TRDN: variants seen among roughly 807,000 people sequenced by gnomAD.
TRDN encodes triadin.
In TRDN, 161 loss-of-function variants were observed where a neutral mutation model predicts 149.7. That is an observed-to-expected ratio of 1.08 (90% CI 0.95 to 1.23). The LOEUF is 1.23. Ranked by LOEUF, TRDN falls within the 50% of genes most tolerant of loss-of-function variation. The pLI, the probability that TRDN is intolerant of heterozygous loss-of-function variation, is 0.00. For synonymous variants in TRDN, 294 were observed against 250.5 expected, an observed-to-expected ratio of 1.17 and a Z score of -1.64; for missense variants, 896 against 823.5, an observed-to-expected ratio of 1.09 and a Z score of -1.08.
At chr6:123,456,801 T>G (rs771050335) in intron 10 of TRDN, 1 of 456,036 alleles carries the variant, frequency 2.2e-6, no homozygotes, top group Non-Finnish European at 4.4e-6. Flanking sequence ...ACTCCATCTA[T>G]GTAAAATACA....
At chr6:123,556,776 G>A (rs1178279099) in intron 2 of TRDN, among the ~76,000 whole-genome samples, 1 of 152,008 alleles carries the variant, frequency 6.6e-6, no homozygotes. Context: ...CCTCTAGAGA[G>A]TTCTATGGTC....
chr6:123,352,636 C>T (rs764981861), intron 20 of TRDN, 50 bp from the exon 21 acceptor site: 1 of 1,561,214 alleles, frequency 6.4e-7, no homozygotes, highest in African/African-American at 1.4e-5. Flanking sequence ...AGAAATACTG[C>T]TTCTGCTCAA....
intron 24 of TRDN, among the ~76,000 whole-genome samples, chr6:123,310,058 T>A (rs1778758825): frequency 6.6e-6 from 1 of 152,032 alleles, no homozygotes; most frequent in African/African-American, 2.4e-5. Context: ...TGAACTGAAG[T>A]TTTGTGGGTA....
chr6:123,223,352 T>C (rs1426439762), intron 39 of TRDN, among the ~76,000 whole-genome samples: 1 of 151,748 alleles, frequency 6.6e-6, no homozygotes, highest in Non-Finnish European at 1.5e-5. Context: ...GATTAATACC[T>C]GGGTGATGAA....
At chr6:123,370,620 C>G (rs1781288652) in intron 19 of TRDN, among the ~76,000 whole-genome samples, 1 of 152,076 alleles carries the variant, frequency 6.6e-6, no homozygotes, top group Non-Finnish European at 1.5e-5. Flanking sequence ...GGCATGTACC[C>G]TAGATAAATG....
chr6:123,221,702 T>C (rs147741256), intron 39 of TRDN, among the ~76,000 whole-genome samples, 180 bp from the exon 40 acceptor site: 1 of 151,796 alleles, frequency 6.6e-6, no homozygotes, highest in East Asian at 1.9e-4. Context: ...TAAAATTTAA[T>C]AGGCAAGAGC....
At chr6:123,581,363 CT>C (rs1335910286) in intron 1 of TRDN, among the ~76,000 whole-genome samples, 1 of 151,972 alleles carries the variant, frequency 6.6e-6, no homozygotes, top group Non-Finnish European at 1.5e-5. Flanking sequence ...ATTATTCTGA[CT>C]TTTTTTATAG....
At chr6:123,228,094 A>T (rs909417064) in intron 38 of TRDN, among the ~76,000 whole-genome samples, 3 of 151,308 alleles carry the variant, frequency 2.0e-5, no homozygotes, top group African/African-American at 7.3e-5. Context: ...TGAATAGTAC[A>T]CCTGCTATGT....
intron 8 of TRDN, among the ~76,000 whole-genome samples, chr6:123,500,404 C>T (rs1778647859): frequency 1.3e-5 from 2 of 152,058 alleles, no homozygotes; most frequent in East Asian, 1.9e-4. Context: ...TCTGCTTAAC[C>T]TATCTAAGAA....
In TRDN at chr6:123,325,676, A is replaced by C. The variant is rs530329532; in HGVS notation, c.1471+6203T>G. Among the ~76,000 whole-genome samples the C allele has an allele frequency of 5.3e-5, 8 of 152,262 alleles. No homozygotes were observed. In the South Asian group the frequency reaches 1.7e-3, roughly 32 times the overall value. On this transcript the variant is annotated intron_variant, in intron 23 of 40. Coordinates refer to ENST00000334268, the MANE Select transcript of TRDN (RefSeq NM_006073.4). ...CTTTAAAACTGGAACTTTGGGGACA[A>C]AACTCCACCTTTTTATGTTAATCAC...
intron 6 of TRDN, among the ~76,000 whole-genome samples, chr6:123,514,626 C>T (rs367868969): frequency 8.7e-5 from 9 of 103,468 alleles, no homozygotes; most frequent in South Asian, 3.5e-4. Context: ...GGTATACATA[C>T]CCAAAACACA....
rs34666480 is a variant in TRDN at position 123,571,789 on chromosome 6, C to CT, written c.23-658dup. 1.9e-4 allele frequency among the ~76,000 whole-genome samples: 29 copies of CT among 151,656 alleles called. 1 individual carries two copies. The highest frequency in any genetic ancestry group is 6.0e-4 in the African/African-American group (25 of 41,388). ...CAAGTCATTAGCACATTGTCTTTTA[C>CT]TTTTTTTTACTAGGCAATATATCAG... is the stretch of plus-strand genomic sequence containing the variant. On this transcript the variant is annotated intron_variant, in intron 1 of 40. Transcript: ENST00000334268.
At chr6:123,592,980 G>A (rs139265233) in intron 1 of TRDN, among the ~76,000 whole-genome samples, 2 of 151,946 alleles carry the variant, frequency 1.3e-5, no homozygotes, top group East Asian at 1.9e-4. Context: ...TTCAAATTTG[G>A]ATATTAAACT....
intron 24 of TRDN, among the ~76,000 whole-genome samples, chr6:123,297,074 G>C (rs1013513074): frequency 6.6e-6 from 1 of 152,024 alleles, no homozygotes; most frequent in African/African-American, 2.4e-5. Flanking sequence ...TCTGTAACAG[G>C]GTCTGTGGTT....
chr6:123,427,680 A>G lies in TRDN; in HGVS notation c.1051+10383T>C, dbSNP rs545266262. 2.0e-5 allele frequency among the ~76,000 whole-genome samples: 3 copies of G among 152,314 alleles called. No individual in the cohort carries two copies. The South Asian group carries it at 6.2e-4, about 32-fold the overall frequency. On this transcript the variant is annotated intron_variant, in intron 12 of 40. Coordinates refer to ENST00000334268, the MANE Select transcript of TRDN (RefSeq NM_006073.4). ...CTAAATAGGAGAGTAGATCAAAGTT[A>G]GAAACATGGCTTTGATGTTCTCTGT...
At chr6:123,433,724 CA>C (rs1774437118) in intron 12 of TRDN, among the ~76,000 whole-genome samples, 1 of 151,994 alleles carries the variant, frequency 6.6e-6, no homozygotes, top group South Asian at 2.1e-4. Context: ...ATTATTTTCA[CA>C]GTTAATAAGT....
At chr6:123,537,419 T>C (rs1376126296) in intron 4 of TRDN, among the ~76,000 whole-genome samples, 1 of 152,140 alleles carries the variant, frequency 6.6e-6, no homozygotes, top group Non-Finnish European at 1.5e-5. Flanking sequence ...CTCTTGGTAG[T>C]CCAAGTTAGA....
At chr6:123,280,269 AG>A (rs1777534115) in intron 24 of TRDN, among the ~76,000 whole-genome samples, 1 of 152,156 alleles carries the variant, frequency 6.6e-6, no homozygotes, top group African/African-American at 2.4e-5. Flanking sequence ...AGCACTGAAC[AG>A]CATATACACA....
At chr6:123,405,843 G>A (rs1212894173) in intron 12 of TRDN, among the ~76,000 whole-genome samples, 1 of 151,952 alleles carries the variant, frequency 6.6e-6, no homozygotes, top group Non-Finnish European at 1.5e-5. Context: ...AATACTTCAA[G>A]TACTACAAGC....
Sources: allele counts gnomAD v4.1 joint callset (sites outside exome capture counted in the v4.1 genomes callset), GRCh38; gene constraint gnomAD v4.1.1; transcripts MANE v1.5; gene names NCBI Gene and HGNC (gene_info 2026-07-23, HGNC 2026-07-21).